Variants in TNRC6B observed in about 807,000 individuals in gnomAD.
The protein encoded by TNRC6B is trinucleotide repeat containing adaptor 6B, also known as trinucleotide repeat-containing gene 6B protein.
A neutral mutation model predicts 203.6 loss-of-function variants in TNRC6B; 52 were observed. The ratio of observed to expected loss-of-function variants is 0.26; its 90% confidence interval spans 0.20 to 0.32. The LOEUF (loss-of-function observed/expected upper bound fraction) is 0.32, where lower values mean the gene tolerates loss of function less well. Ranked by LOEUF, TNRC6B falls within the 10% of genes least tolerant of loss-of-function variation. The probability of loss-of-function intolerance (pLI) is 1.00; values close to 1 mark genes in which losing one functional copy is unlikely to be tolerated. For missense variants in TNRC6B, 1,923 were observed against 2,286.2 expected (o/e 0.84, Z 3.24); for synonymous variants, 838 against 845.7 (o/e 0.99, Z 0.16).
chr22:40,292,410 G>A (rs373322041), intron 12 of TNRC6B, among the ~76,000 whole-genome samples: 14 of 151,480 alleles, frequency 9.2e-5, no homozygotes, highest in African/African-American at 3.4e-4. Context: ...CAAATATTCC[G>A]GGCCTTGGGT....
At chr22:40,274,890 A>G (rs17001776) in intron 7 of TNRC6B, among the ~76,000 whole-genome samples, 4,059 of 152,222 alleles carry the variant, frequency 0.027, 85 homozygotes, top group Middle Eastern at 0.082. Flanking sequence ...TTTCAATTCC[A>G]GATTTTCGTT....
chr22:40,319,422 CTT>C (rs374148213), intron 21 of TNRC6B, among the ~76,000 whole-genome samples: 6 of 112,698 alleles, frequency 5.3e-5, no homozygotes, highest in African/African-American at 6.2e-5. Context: ...CTTTTCTTTT[CTT>C]TTTTTTTTTT....
Position 40,223,928 on chromosome 22 carries a change from G to T in TNRC6B, c.6-22087G>T, listed in dbSNP as rs144776719. Among the ~76,000 whole-genome samples, 382 of 152,298 alleles carry T rather than the reference G, an allele frequency of 2.5e-3. 2 individuals carry two copies. The highest frequency in any genetic ancestry group is 8.0e-3 in the African/African-American group (334 of 41,550). ...TTTTCTGTGTTACCTTGGACACAAG[G>T]TAACTGTGTGTTACCACCAAATTTT... On this transcript the variant is annotated intron_variant, in intron 1 of 22. Transcript: ENST00000454349.
intron 3 of TNRC6B, among the ~76,000 whole-genome samples, chr22:40,128,691 C>CTT (rs563991317): frequency 2.8e-5 from 4 of 145,372 alleles, no homozygotes; most frequent in African/African-American, 1.0e-4. Flanking sequence ...ACCTGGCTCT[C>CTT]TTTTTTTTTT....
At chr22:40,258,549 A>C (rs1483663246) in intron 3 of TNRC6B, among the ~76,000 whole-genome samples, 2 of 152,164 alleles carry the variant, frequency 1.3e-5, no homozygotes, top group Non-Finnish European at 2.9e-5. Flanking sequence ...TGCTATGACT[A>C]AGGTGGTGTC....
chr22:40,314,141 C>G (rs1305194743), intron 19 of TNRC6B, among the ~76,000 whole-genome samples: 1 of 152,100 alleles, frequency 6.6e-6, no homozygotes, highest in East Asian at 1.9e-4. Flanking sequence ...GAGAGATGGC[C>G]CAAGAATCAC....
chr22:40,151,875 A>AG (rs1555885718), intron 3 of TNRC6B, among the ~76,000 whole-genome samples: 123 of 150,816 alleles, frequency 8.2e-4, no homozygotes, highest in Middle Eastern at 6.8e-3. Context: ...GAAGAAAGAA[A>AG]GAAAGAAGAA....
Position 40,099,106 on chromosome 22 carries a change from C to T in TNRC6B, c.-120-17949C>T, listed in dbSNP as rs575021641. ...CTCTACTAAAAATACAAAAATTAGC[C>T]GGGCACCGTGGTGGACGCCTGTAAT... On this transcript the variant is annotated intron_variant, in intron 1 of 23. Transcript: ENST00000301923. Among the ~76,000 whole-genome samples, 26 of 151,984 alleles carry T rather than the reference C, an allele frequency of 1.7e-4. No individual in the cohort carries two copies. In the East Asian group the frequency reaches 1.9e-3, roughly 11 times the overall value.
At chr22:40,250,054 G>A (rs78270704) in intron 2 of TNRC6B, among the ~76,000 whole-genome samples, 19 of 152,108 alleles carry the variant, frequency 1.2e-4, no homozygotes, top group African/African-American at 4.1e-4. Flanking sequence ...AACCCCCATG[G>A]CCGTAATCCA....
chr22:40,092,215 C>T (rs945915596), intron 1 of TNRC6B, among the ~76,000 whole-genome samples: 2 of 152,064 alleles, frequency 1.3e-5, no homozygotes, highest in African/African-American at 4.8e-5. Context: ...CCAGCCTAGC[C>T]AACATGGAGA....
chr22:40,085,084 G>A (rs2068090300), intron 1 of TNRC6B, among the ~76,000 whole-genome samples: 1 of 152,188 alleles, frequency 6.6e-6, no homozygotes, highest in Non-Finnish European at 1.5e-5. Flanking sequence ...GCTGTGTTGT[G>A]AGGACATTTC....
chr22:40,277,035 A>G (rs1430760396), intron 7 of TNRC6B, 42 bp from the exon 8 acceptor site: 4 of 1,507,278 alleles, frequency 2.7e-6, no homozygotes, highest in Non-Finnish European at 3.6e-6. Context: ...GGAGGCTGAA[A>G]TAAATTATTT....
At chr22:40,278,165 C>G in intron 9 of TNRC6B, 121 bp downstream of exon 9, 1 of 770,900 alleles carries the variant, frequency 1.3e-6, no homozygotes, top group Non-Finnish European at 2.3e-6. Flanking sequence ...AGCACTTACT[C>G]TTTGTAAGGT....
At chr22:40,142,342 A>G (rs958775528) in intron 3 of TNRC6B, among the ~76,000 whole-genome samples, 2 of 151,704 alleles carry the variant, frequency 1.3e-5, no homozygotes, top group African/African-American at 4.8e-5. Flanking sequence ...GATTACAGGC[A>G]TGAGCCACCG....
chr22:40,191,544 G>C (rs960952875), intron 1 of TNRC6B, among the ~76,000 whole-genome samples: 1 of 152,090 alleles, frequency 6.6e-6, no homozygotes, highest in African/African-American at 2.4e-5. Flanking sequence ...GCTTGGAGTT[G>C]TAGTTTGATT....
intron 17 of TNRC6B, among the ~76,000 whole-genome samples, chr22:40,312,076 AC>A (rs1469332516): frequency 5.9e-5 from 9 of 152,344 alleles, no homozygotes; most frequent in Non-Finnish European, 1.0e-4. Flanking sequence ...CATTTGTATT[AC>A]ATTTTTTGCA....
In TNRC6B at chr22:40,327,664, G is replaced by A. The variant is rs1166088956; in HGVS notation, c.*4423G>A. ...GTCATGGAAGAGAAGAGCTCTTTCC[G>A]TGGTATTCTTTGGCAAGAGCCATGT... On this transcript the variant is annotated 3_prime_UTR_variant, in exon 23 of 23. Transcript: ENST00000454349. The A allele has an allele frequency of 2.0e-5, 3 of 152,152 alleles. No homozygotes were observed. Among genetic ancestry groups the A allele is most frequent in the Admixed American group, 6.6e-5 (1 of 15,264 alleles). The allele number at this position is 152,152 out of a possible 1,614,324, so 9.4% of individuals were successfully genotyped here. A position where few individuals can be genotyped will look rare whatever the true frequency, so the allele number is the denominator to read the frequency against.
At chr22:40,239,926 C>T (rs2070005050) in intron 1 of TNRC6B, among the ~76,000 whole-genome samples, 1 of 152,090 alleles carries the variant, frequency 6.6e-6, no homozygotes, top group Non-Finnish European at 1.5e-5. Flanking sequence ...CAACTTCTGC[C>T]TCCCAGGTTC....
At chr22:40,050,815 T>G (rs2067737888) in intron 1 of TNRC6B, among the ~76,000 whole-genome samples, 1 of 151,152 alleles carries the variant, frequency 6.6e-6, no homozygotes, top group Non-Finnish European at 1.5e-5. Context: ...TCCTGTAGTT[T>G]TTTTGTTTTT....
Sources: gnomAD v4.1 joint callset for allele counts (sites outside exome capture counted in the v4.1 genomes callset) on GRCh38, gnomAD v4.1.1 for gene constraint, MANE v1.5 for transcripts, NCBI Gene and HGNC (gene_info 2026-07-23, HGNC 2026-07-21) for gene names.